The following DYRK1A variants were observed in gnomAD, a reference collection of about 807,000 sequenced individuals.
The protein encoded by DYRK1A is dual specificity tyrosine-phosphorylation-regulated kinase 1A.
DYRK1A carries 9 observed loss-of-function variants against 79.7 expected under a neutral mutation model. The observed-to-expected ratio is 0.11, with a 90% confidence interval of 0.07 to 0.20. The LOEUF is 0.20. DYRK1A is among the 10% of genes least tolerant of loss of function. DYRK1A has a pLI of 1.00. For synonymous variants in DYRK1A, 349 were observed against 329.7 expected, an observed-to-expected ratio of 1.06 and a Z score of -0.63; for missense variants, 622 against 956.0, an observed-to-expected ratio of 0.65 and a Z score of 4.61.
At chr21:37,487,485 C>G (rs888965691) in intron 6 of DYRK1A, 1 of 152,050 alleles carries the variant, frequency 6.6e-6, no homozygotes, top group South Asian at 2.1e-4. Context: ...TTTTATGTAC[C>G]GTCAAGGAAA....
chr21:37,375,671 G>T (rs1457815454), intron 1 of DYRK1A, among the ~76,000 whole-genome samples: 2 of 151,650 alleles, frequency 1.3e-5, no homozygotes. Flanking sequence ...AATTACAGGT[G>T]CCTGTCACAT....
chr21:37,480,927 C>A, intron 5 of DYRK1A, 101 bp downstream of exon 5: 1 of 931,696 alleles, frequency 1.1e-6, no homozygotes, highest in Admixed American at 2.9e-5. Context: ...TTAATATTTG[C>A]AAATAGAGCT....
intron 2 of DYRK1A, among the ~76,000 whole-genome samples, chr21:37,458,856 C>T (rs2051745907): frequency 1.3e-5 from 2 of 152,206 alleles, no homozygotes; most frequent in Admixed American, 1.3e-4. Flanking sequence ...TGTCCAGGCT[C>T]TTCCCCTGCT....
rs750182503 is a variant in DYRK1A at position 37,486,453 on chromosome 21, A to T, written c.490-14A>T. The T allele has an allele frequency of 2.1e-6, 3 of 1,424,598 alleles. No homozygotes were observed. The highest frequency in any genetic ancestry group is 5.3e-5 in the East Asian group (2 of 37,600). The allele number at this position is 1,424,598 out of a possible 1,614,324, so 88.2% of individuals were successfully genotyped here. A position where few individuals can be genotyped will look rare whatever the true frequency, so the allele number is the denominator to read the frequency against. On this transcript the variant is annotated splice_polypyrimidine_tract_variant and intron_variant, in intron 5 of 11. Coordinates refer to ENST00000647188, the MANE Select transcript of DYRK1A (RefSeq NM_001347721.2). ...CAATTAATGAAATAGAGAATTATTC[A>T]TCTTCTCTTTTAGGTTGTAAAGGCA... is the stretch of plus-strand genomic sequence containing the variant.
In DYRK1A at chr21:37,516,308, T is replaced by G. The variant is rs536848224; in HGVS notation, c.*3777T>G. 6.6e-6 allele frequency: 1 copy of G among 152,332 alleles called. No individual in the cohort carries two copies. Among genetic ancestry groups the G allele is most frequent in the South Asian group, 2.1e-4 (1 of 4,824 alleles). The allele number at this position is 152,332 out of a possible 1,614,324, so 9.4% of individuals were successfully genotyped here. On this transcript the variant is annotated 3_prime_UTR_variant, in exon 12 of 12. Coordinates refer to ENST00000647188, the MANE Select transcript of DYRK1A (RefSeq NM_001347721.2). Reference sequence around the variant, plus strand: ...TGCGTGACTTCGGTATACCCAGACTTCATTCAGATTTCTTAAAAATCTGCT... The same window carrying G: ...TGCGTGACTTCGGTATACCCAGACTGCATTCAGATTTCTTAAAAATCTGCT...
intron 1 of DYRK1A, among the ~76,000 whole-genome samples, chr21:37,405,657 G>T (rs938645844): frequency 2.0e-5 from 3 of 152,184 alleles, no homozygotes; most frequent in African/African-American, 7.2e-5. Flanking sequence ...TATCAGAAAG[G>T]TTATTTCTGA....
chr21:37,458,071 C>G (rs554182745), intron 2 of DYRK1A, among the ~76,000 whole-genome samples: 61 of 152,318 alleles, frequency 4.0e-4, no homozygotes, highest in African/African-American at 1.4e-3. Flanking sequence ...CCCTGCTCCT[C>G]TAGAGAGGAA....
chr21:37,428,533 A>G (rs952599437), intron 2 of DYRK1A, among the ~76,000 whole-genome samples: 2 of 152,216 alleles, frequency 1.3e-5, no homozygotes, highest in Non-Finnish European at 2.9e-5. Flanking sequence ...CACTGCTTTT[A>G]AAAGGAACAT....
At position 37,493,933 on chromosome 21, in the gene DYRK1A, C is replaced by CTTTTT. The variant is rs35158368; in HGVS notation, c.1071+787_1071+791dup. Among the ~76,000 whole-genome samples, 461 of 114,096 alleles carry CTTTTT rather than the reference C, an allele frequency of 4.0e-3. 8 individuals carry two copies. The highest frequency in any genetic ancestry group is 9.7e-3 in the African/African-American group (298 of 30,630). The allele number at this position is 114,096 out of a possible 152,430, so 74.9% of individuals were successfully genotyped here. ...TCTTCCATCCTTCCTTTTAATTCTT[C>CTTTTT]TTTTTTTTTTTTTTTTTTTTTCCCG... On this transcript the variant is annotated intron_variant, in intron 8 of 11. Transcript: ENST00000647188.
rs866106810 is a variant in DYRK1A at position 37,371,865 on chromosome 21, C to T, written c.-77+4237C>T. Among the ~76,000 whole-genome samples the T allele has an allele frequency of 8.5e-5, 13 of 152,264 alleles. No individual in the cohort carries two copies. The Middle Eastern group carries it at 0.02, about 239-fold the overall frequency. ...ATCAACTCTATTTTAAATAACATCCCTGTTCATTAAATAACCCCCTAATTT... is the reference window on the plus strand; with the variant it reads ...ATCAACTCTATTTTAAATAACATCCTTGTTCATTAAATAACCCCCTAATTT... On this transcript the variant is annotated intron_variant, in intron 1 of 11. Transcript: ENST00000647188.
At chr21:37,423,963 G>A (rs1018853948) in intron 2 of DYRK1A, among the ~76,000 whole-genome samples, 2 of 152,020 alleles carry the variant, frequency 1.3e-5, no homozygotes, top group Non-Finnish European at 1.5e-5. Context: ...TGTGAATTTT[G>A]TAGGACAAAA....
At chr21:37,421,509 G>A (rs1002709891) in intron 2 of DYRK1A, among the ~76,000 whole-genome samples, 1 of 152,050 alleles carries the variant, frequency 6.6e-6, no homozygotes, top group Non-Finnish European at 1.5e-5. Flanking sequence ...TCTTGTTTAC[G>A]TCAAAGGTGA....
chr21:37,397,773 A>G (rs1013727372), intron 1 of DYRK1A, among the ~76,000 whole-genome samples: 1 of 152,142 alleles, frequency 6.6e-6, no homozygotes, highest in South Asian at 2.1e-4. Flanking sequence ...CAAGCCCCTC[A>G]GGGTGATTGT....
rs992791021 is a variant in DYRK1A, at chr21:37,515,465, C to G, written c.*2934C>G. On this transcript the variant is annotated 3_prime_UTR_variant, in exon 12 of 12. Transcript: ENST00000647188. ...GCTCATATTTTAGTTGGTAGCATTT[C>G]GACTGGATGTGAGGGTCTGATGGTT... 1 of 152,066 alleles carries G rather than the reference C, an allele frequency of 6.6e-6. No individual in the cohort carries two copies. Among genetic ancestry groups the G allele is most frequent in the African/African-American group, 2.4e-5 (1 of 41,394 alleles). 9.4% of individuals were successfully genotyped at this position (152,066 alleles called of 1,614,324 possible).
intron 1 of DYRK1A, 127 bp from the exon 2 acceptor site, chr21:37,420,172 G>T: frequency 1.1e-5 from 4 of 375,092 alleles, no homozygotes; most frequent in East Asian, 4.0e-5. Context: ...GTTAGAAAAT[G>T]AATTTTGCAA....
intron 2 of DYRK1A, among the ~76,000 whole-genome samples, chr21:37,426,754 C>CAA (rs34975084): frequency 1.0e-4 from 13 of 126,954 alleles, no homozygotes; most frequent in East Asian, 9.3e-4. Flanking sequence ...ACTAAAAATA[C>CAA]AAAAAAAAAA....
chr21:37,464,394 A>G (rs922305042), intron 2 of DYRK1A: 1 of 375,586 alleles, frequency 2.7e-6, no homozygotes, highest in Admixed American at 3.7e-5. Context: ...AATTTTTCCC[A>G]AGTTTAGCAA....
At chr21:37,480,590 T>C (rs2052602428) in intron 4 of DYRK1A, 48 bp from the exon 5 acceptor site, 4 of 1,444,364 alleles carry the variant, frequency 2.8e-6, no homozygotes, top group Non-Finnish European at 3.7e-6. Context: ...ATGCCCTTCC[T>C]CACAGTGATT....
At chr21:37,507,704 T>G (rs1569400650) in intron 11 of DYRK1A, among the ~76,000 whole-genome samples, 1 of 133,416 alleles carries the variant, frequency 7.5e-6, no homozygotes, top group African/African-American at 2.8e-5. Flanking sequence ...ACTGTCTGTT[T>G]CGTTTTTTTT....
Sources: gnomAD v4.1 joint callset for allele counts (sites outside exome capture counted in the v4.1 genomes callset) on GRCh38, gnomAD v4.1.1 for gene constraint, MANE v1.5 for transcripts, NCBI Gene and HGNC (gene_info 2026-07-23, HGNC 2026-07-21) for gene names.